ARPP21: variants seen among roughly 807,000 people sequenced by gnomAD.
ARPP21 encodes the protein cAMP-regulated phosphoprotein 21.
Under a neutral mutation model 113.2 loss-of-function variants are expected in ARPP21, and 69 were observed. The ratio of observed to expected loss-of-function variants is 0.61; its 90% CI spans 0.50 to 0.74. The LOEUF (loss-of-function observed/expected upper bound fraction) is 0.74, where lower values mean the gene tolerates loss of function less well. Ranked by LOEUF, ARPP21 falls within the 30% of genes least tolerant of loss-of-function variation. ARPP21 has a pLI of 0.00. For missense variants in ARPP21, 1,070 were observed against 1,037.4 expected (o/e 1.03, Z -0.43); for synonymous variants, 368 against 375.5 (o/e 0.98, Z 0.23).
intron 14 of ARPP21, among the ~76,000 whole-genome samples, chr3:35,725,094 G>A (rs2093424633): frequency 6.6e-6 from 1 of 152,152 alleles, no homozygotes; most frequent in African/African-American, 2.4e-5. Flanking sequence ...TTCAAGCACT[G>A]GGGTGAGCTA....
chr3:35,724,381 A>G (rs1458552505), intron 14 of ARPP21, among the ~76,000 whole-genome samples: 1 of 152,208 alleles, frequency 6.6e-6, no homozygotes, highest in Non-Finnish European at 1.5e-5. Flanking sequence ...TTCTTACCAC[A>G]TTGGCCTAGC....
At chr3:35,660,375 T>C (rs1403624642) in intron 1 of ARPP21, among the ~76,000 whole-genome samples, 1 of 152,152 alleles carries the variant, frequency 6.6e-6, no homozygotes, top group Admixed American at 6.5e-5. Context: ...AGCTTCTGCC[T>C]CTGGGCCCCA....
At position 35,751,543 on chromosome 3, in the gene ARPP21, T is replaced by C. The variant is rs143526724; in HGVS notation, c.2137+7578T>C. ...TCACGGAAGACAATAGTGGAAGTCTTTGGAATTTTTTGGAATGTCTTTACT... is the reference window on the plus strand; with the variant it reads ...TCACGGAAGACAATAGTGGAAGTCTCTGGAATTTTTTGGAATGTCTTTACT... On this transcript the variant is annotated intron_variant, in intron 19 of 20. Transcript: ENST00000684406. 2.8e-4 allele frequency among the ~76,000 whole-genome samples: 43 copies of C among 152,242 alleles called. No homozygotes were observed. The East Asian group carries it at 8.3e-3, about 30-fold the overall frequency.
chr3:35,696,652 G>C (rs541659788), intron 9 of ARPP21, among the ~76,000 whole-genome samples: 1 of 151,478 alleles, frequency 6.6e-6, no homozygotes, highest in Non-Finnish European at 1.5e-5. Flanking sequence ...AGGTGATGCT[G>C]CTGAATGAGA....
At chr3:35,734,825 G>A (rs1049329184) in intron 15 of ARPP21, among the ~76,000 whole-genome samples, 3 of 152,066 alleles carry the variant, frequency 2.0e-5, no homozygotes, top group Non-Finnish European at 2.9e-5. Flanking sequence ...ATATATAGGC[G>A]AAGTGCATGA....
chr3:35,684,877 T>C, intron 5 of ARPP21: 1 of 985,214 alleles, frequency 1.0e-6, no homozygotes. Context: ...CAGTGGCCAT[T>C]ACTATGTTTC....
intron 19 of ARPP21, among the ~76,000 whole-genome samples, chr3:35,783,967 A>G (rs2096579118): frequency 2.0e-5 from 3 of 152,124 alleles, no homozygotes; most frequent in African/African-American, 7.2e-5. Flanking sequence ...ACTAGGTTCA[A>G]TATGACCTCC....
chr3:35,760,556 G>T (rs897032507), intron 19 of ARPP21, among the ~76,000 whole-genome samples: 1 of 151,868 alleles, frequency 6.6e-6, no homozygotes, highest in African/African-American at 2.4e-5. Context: ...AAAAAAATCC[G>T]CTGGGAGTTT....
upstream of ARPP21, chr3:35,639,122 C>A (rs1697416009): frequency 6.6e-6 from 1 of 151,874 alleles, no homozygotes; most frequent in Non-Finnish European, 1.5e-5. The surrounding 1 kb of genome is among the most constrained non-coding windows in gnomAD (Gnocchi z 5.0). Flanking sequence ...CAGGGGGCAA[C>A]GTGCCAGTTT....
chr3:35,768,861 T>A (rs1320136188), intron 19 of ARPP21, among the ~76,000 whole-genome samples: 2 of 152,178 alleles, frequency 1.3e-5, no homozygotes. Flanking sequence ...CATTTTTAAA[T>A]CCTAAATTCA....
At chr3:35,681,624 G>T in intron 2 of ARPP21, 90 bp from the exon 3 acceptor site, 1 of 700,796 alleles carries the variant, frequency 1.4e-6, no homozygotes, top group Non-Finnish European at 2.3e-6. Flanking sequence ...TGCTCATTTG[G>T]ATTTGAATAT....
chr3:35,737,991 G>A (rs1228049799), intron 16 of ARPP21, among the ~76,000 whole-genome samples: 6 of 152,262 alleles, frequency 3.9e-5, no homozygotes, highest in African/African-American at 1.2e-4. Flanking sequence ...AATATCAAAC[G>A]TACATCAGTA....
intron 1 of ARPP21, among the ~76,000 whole-genome samples, chr3:35,653,336 G>C (rs1035134607): frequency 6.6e-6 from 1 of 151,670 alleles, no homozygotes; most frequent in African/African-American, 2.4e-5. Flanking sequence ...AATATGTAAC[G>C]GCCACACAAA....
At chr3:35,667,674 TTC>T (rs1338677150) in intron 1 of ARPP21, among the ~76,000 whole-genome samples, 1 of 151,994 alleles carries the variant, frequency 6.6e-6, no homozygotes, top group Non-Finnish European at 1.5e-5. Flanking sequence ...GTAAGAGTCC[TTC>T]TAGTTAATTA....
intron 1 of ARPP21, among the ~76,000 whole-genome samples, chr3:35,675,161 T>A (rs926776359): frequency 6.9e-6 from 1 of 144,866 alleles, no homozygotes; most frequent in Non-Finnish European, 1.5e-5. Flanking sequence ...ATTTTTTTTT[T>A]AAAGTTTGCA....
chr3:35,766,869 A>G (rs181926455), intron 19 of ARPP21, among the ~76,000 whole-genome samples: 27 of 152,228 alleles, frequency 1.8e-4, no homozygotes, highest in African/African-American at 4.8e-4. Flanking sequence ...ATATATAAAC[A>G]TATTTTAAGG....
intron 10 of ARPP21, among the ~76,000 whole-genome samples, chr3:35,708,099 T>C (rs1390477223): frequency 6.6e-6 from 1 of 152,288 alleles, no homozygotes; most frequent in South Asian, 2.1e-4. Flanking sequence ...CATTTGTATC[T>C]CGTTTCCTCC....
intron 11 of ARPP21, among the ~76,000 whole-genome samples, chr3:35,710,083 C>A (rs1291252130): frequency 1.3e-5 from 2 of 152,180 alleles, no homozygotes; most frequent in Non-Finnish European, 2.9e-5. Flanking sequence ...CCTCCTCCAG[C>A]ACTGCACTTC....
intron 14 of ARPP21, among the ~76,000 whole-genome samples, chr3:35,728,599 A>G (rs2093718973): frequency 6.6e-6 from 1 of 151,928 alleles, no homozygotes; most frequent in Non-Finnish European, 1.5e-5. Context: ...CAATGGTTTA[A>G]AGTTGCCTCT....
Sources: allele counts gnomAD v4.1 joint callset (sites outside exome capture counted in the v4.1 genomes callset), GRCh38; gene constraint gnomAD v4.1.1; non-coding constraint Gnocchi (gnomAD v3.1); transcripts MANE v1.5; gene names NCBI Gene and HGNC (gene_info 2026-07-23, HGNC 2026-07-21).